Variants in RIMS2 observed in about 807,000 individuals in gnomAD.
RIMS2 encodes the protein regulating synaptic membrane exocytosis protein 2.
Under a neutral mutation model 174.4 loss-of-function variants are expected in RIMS2, and 59 were observed. That is an observed-to-expected ratio of 0.34 (90% CI 0.27 to 0.42). The LOEUF is 0.42. Among genes scored for constraint, RIMS2 ranks in the 10% least tolerant of loss-of-function variants. The probability of loss-of-function intolerance (pLI) is 1.00; values close to 1 mark genes in which losing one functional copy is unlikely to be tolerated. For missense variants in RIMS2, 1,620 were observed against 1,666.3 expected, an observed-to-expected ratio of 0.97 and a Z score of 0.48; for synonymous variants, 606 against 572.5, an observed-to-expected ratio of 1.06 and a Z score of -0.84.
At chr8:104,146,842 A>T (rs1000910285) in intron 19 of RIMS2, among the ~76,000 whole-genome samples, 4 of 152,086 alleles carry the variant, frequency 2.6e-5, no homozygotes, top group Admixed American at 2.0e-4. Flanking sequence ...GACTACAGGC[A>T]TGTGCCACCA....
chr8:103,709,768 C>A (rs192632038), intron 2 of RIMS2, among the ~76,000 whole-genome samples: 5 of 152,068 alleles, frequency 3.3e-5, no homozygotes, highest in Non-Finnish European at 7.4e-5. Flanking sequence ...CCCTGGAGTT[C>A]TCTTGGGTTC....
At chr8:104,157,878 T>G (rs186527736) in intron 19 of RIMS2, among the ~76,000 whole-genome samples, 1 of 152,278 alleles carries the variant, frequency 6.6e-6, no homozygotes, top group African/African-American at 2.4e-5. Context: ...TAATTTTTGT[T>G]TTTTGAGGAA....
At chr8:103,585,305 T>C (rs2093849023) in intron 1 of RIMS2, among the ~76,000 whole-genome samples, 1 of 152,158 alleles carries the variant, frequency 6.6e-6, no homozygotes, top group Non-Finnish European at 1.5e-5. Flanking sequence ...TGTAAATTAG[T>C]TCAAGCATTG....
chr8:103,964,772 T>A (rs955709870), intron 15 of RIMS2, among the ~76,000 whole-genome samples: 2 of 152,182 alleles, frequency 1.3e-5, no homozygotes, highest in African/African-American at 4.8e-5. Flanking sequence ...TCTCCTATGT[T>A]ATCTTCTAGG....
At chr8:103,562,179 C>T (rs1036996319) in intron 1 of RIMS2, among the ~76,000 whole-genome samples, 5 of 152,228 alleles carry the variant, frequency 3.3e-5, no homozygotes, top group Non-Finnish European at 7.3e-5. Context: ...GTCCTGCCTT[C>T]CTAACAGTCT....
At chr8:103,923,936 A>T (rs935246599) in intron 10 of RIMS2, among the ~76,000 whole-genome samples, 3 of 151,736 alleles carry the variant, frequency 2.0e-5, no homozygotes, top group Non-Finnish European at 4.4e-5. Flanking sequence ...TCTCTTAGTA[A>T]TATTGTGGAC....
At chr8:103,794,989 A>T (rs1343720474) in intron 3 of RIMS2, among the ~76,000 whole-genome samples, 4 of 152,320 alleles carry the variant, frequency 2.6e-5, no homozygotes, top group African/African-American at 7.2e-5. Context: ...TGTTGGTGGG[A>T]CTGTAAACTA....
chr8:103,690,114 T>C (rs1410531988), intron 1 of RIMS2, among the ~76,000 whole-genome samples: 1 of 151,870 alleles, frequency 6.6e-6, no homozygotes, highest in Non-Finnish European at 1.5e-5. Context: ...GCATGCACCA[T>C]GATGCCCAGC....
At chr8:104,177,049 A>G (rs941587732) in intron 19 of RIMS2, among the ~76,000 whole-genome samples, 1 of 152,134 alleles carries the variant, frequency 6.6e-6, no homozygotes, top group Non-Finnish European at 1.5e-5. Flanking sequence ...ATATGTTTAA[A>G]TATGTTTCAT....
intron 3 of RIMS2, among the ~76,000 whole-genome samples, chr8:103,802,695 G>A (rs1028455506): frequency 3.7e-4 from 57 of 152,150 alleles, no homozygotes; most frequent in Non-Finnish European, 1.3e-4. Flanking sequence ...AATGTGCTAA[G>A]ACAGGCCTGG....
intron 3 of RIMS2, among the ~76,000 whole-genome samples, chr8:103,792,147 C>G (rs962554456): frequency 3.3e-5 from 5 of 152,192 alleles, no homozygotes; most frequent in Non-Finnish European, 7.3e-5. Flanking sequence ...CGCACTTATT[C>G]TAAAACTGAC....
At chr8:104,192,863 G>T (rs2099004563) in intron 19 of RIMS2, among the ~76,000 whole-genome samples, 1 of 152,096 alleles carries the variant, frequency 6.6e-6, no homozygotes, top group Non-Finnish European at 1.5e-5. Flanking sequence ...CAGACACATG[G>T]TACCCACTAC....
At chr8:103,709,049 T>C (rs950400372) in intron 2 of RIMS2, among the ~76,000 whole-genome samples, 1 of 152,170 alleles carries the variant, frequency 6.6e-6, no homozygotes, top group Non-Finnish European at 1.5e-5. Context: ...CCTTCTGCAA[T>C]GTCAAATCTG....
chr8:103,853,599 A>G (rs1477698208), intron 3 of RIMS2, among the ~76,000 whole-genome samples: 1 of 152,102 alleles, frequency 6.6e-6, no homozygotes, highest in Non-Finnish European at 1.5e-5. Flanking sequence ...TACTCTGCAT[A>G]TGACTAGCCA....
chr8:103,916,561 A>ATG, intron 8 of RIMS2, 24 bp downstream of exon 11: 1 of 1,582,904 alleles, frequency 6.3e-7, no homozygotes, highest in East Asian at 2.2e-5. Context: ...AGTATTTTAT[A>ATG]TGTGTGTGAA....
At chr8:104,182,050 A>G (rs1194934987) in intron 19 of RIMS2, among the ~76,000 whole-genome samples, 2 of 151,722 alleles carry the variant, frequency 1.3e-5, no homozygotes, top group African/African-American at 4.8e-5. Flanking sequence ...GAAATATTTT[A>G]TATGATTTGA....
At chr8:103,505,333 G>A (rs540286028) in intron 1 of RIMS2, among the ~76,000 whole-genome samples, 2 of 152,252 alleles carry the variant, frequency 1.3e-5, no homozygotes, top group Admixed American at 6.5e-5. Flanking sequence ...ATGGATGGAT[G>A]TAAACGTAAA....
intron 2 of RIMS2, among the ~76,000 whole-genome samples, chr8:103,720,548 G>A (rs531562810): frequency 3.9e-5 from 6 of 152,092 alleles, no homozygotes; most frequent in Non-Finnish European, 5.9e-5. Context: ...ATAACAGTCT[G>A]TCATAGCAAA....
chr8:103,633,600 G>T, intron 1 of RIMS2, among the ~76,000 whole-genome samples: 1 of 152,124 alleles, frequency 6.6e-6, no homozygotes, highest in East Asian at 1.9e-4. Context: ...TATAGTTTCT[G>T]TAGGAATGGT....
Sources: allele counts gnomAD v4.1 joint callset (sites outside exome capture counted in the v4.1 genomes callset), GRCh38; gene constraint gnomAD v4.1.1; transcripts MANE v1.5; gene names NCBI Gene and HGNC (gene_info 2026-07-23, HGNC 2026-07-21).